LTBP3: variants seen among roughly 807,000 people sequenced by gnomAD.
LTBP3 encodes the protein latent transforming growth factor beta binding protein 3.
LTBP3 carries 97 observed loss-of-function variants against 159.7 expected under a neutral mutation model. The observed-to-expected ratio is 0.61, with a 90% confidence interval of 0.52 to 0.72. The LOEUF (loss-of-function observed/expected upper bound fraction) is 0.72, where lower values mean the gene tolerates loss of function less well. LTBP3 is among the 30% of genes least tolerant of loss of function. The probability of loss-of-function intolerance (pLI) is 0.00; values close to 1 mark genes in which losing one functional copy is unlikely to be tolerated. For missense variants in LTBP3, 1,584 were observed against 1,864.3 expected (o/e 0.85, Z 2.77); for synonymous variants, 824 against 777.1 (o/e 1.06, Z -1.00).
chr11:65,553,673 G>C lies in LTBP3; in HGVS notation c.864+28C>G. On this transcript the variant is annotated intron_variant, in intron 3 of 27. Coordinates refer to ENST00000301873, the MANE Select transcript of LTBP3 (RefSeq NM_001130144.3). This position sits in a 1 kb window ranked among gnomAD's most constrained non-coding sequence, Gnocchi z 6.5. ...GCAGAGCAACCCTGAGAGAAGGAAAGGCAGATCCCGACTGTGGATTCACTC... is the reference window on the plus strand; with the variant it reads ...GCAGAGCAACCCTGAGAGAAGGAAACGCAGATCCCGACTGTGGATTCACTC... 1 of 1,558,794 alleles carries C rather than the reference G, an allele frequency of 6.4e-7. No individual in the cohort carries two copies. Among genetic ancestry groups the C allele is most frequent in the Non-Finnish European group, 8.6e-7 (1 of 1,158,234 alleles).
At chr11:65,541,830 T>C in intron 18 of LTBP3, 102 bp from the exon 19 acceptor site, 2 of 1,370,244 alleles carry the variant, frequency 1.5e-6, no homozygotes, top group Non-Finnish European at 2.0e-6. Context: ...TCCACTTTGG[T>C]TTCAAAGTAT....
intron 1 of LTBP3, among the ~76,000 whole-genome samples, chr11:65,557,099 C>T (rs1347472060): frequency 6.6e-6 from 1 of 152,096 alleles, no homozygotes; most frequent in African/African-American, 2.4e-5. Context: ...ACTTTTAGGC[C>T]TCAACACCCT....
At chr11:65,539,270 C>G (rs1320689225) in intron 27 of LTBP3, 39 bp from the exon 28 acceptor site, 21 of 1,516,910 alleles carry the variant, frequency 1.4e-5, no homozygotes, top group Admixed American at 8.1e-5. Flanking sequence ...CGCTGAGCCT[C>G]CAGGCGGCTC....
Position 65,557,703 on chromosome 11 carries a change from T to G in LTBP3, c.257A>C (p.Gln86Pro). ...TCCGATGAGCGTCATGTTGGAGCCCTGCTGACAACTGTCCCGACACTGGCC... is the reference window on the plus strand; with the variant it reads ...TCCGATGAGCGTCATGTTGGAGCCCGGCTGACAACTGTCCCGACACTGGCC... ...LKGQCRDSCQ[Q>P]GSNMTLIGEN... is the part of the protein sequence containing the mutation. Residue 86 changes from glutamine (Q) to proline (P), a missense_variant, in exon 1 of 28, where the codon CAG becomes CCG. Gln to Pro is a moderately conservative substitution (Grantham distance 76). Transcript: ENST00000301873. The G allele has an allele frequency of 6.2e-7, 1 of 1,610,230 alleles. No homozygotes were observed. Among genetic ancestry groups the G allele is most frequent in the Non-Finnish European group, 8.5e-7 (1 of 1,179,880 alleles).
intron 10 of LTBP3, 80 bp from the exon 11 acceptor site, chr11:65,551,304 C>T: frequency 6.5e-7 from 1 of 1,540,554 alleles, no homozygotes; most frequent in Admixed American, 1.9e-5. Context: ...CCCGGCGCCC[C>T]ACCCCAGCTT....
chr11:65,545,584 G>A (rs1465152913), intron 16 of LTBP3: 1 of 230,850 alleles, frequency 4.3e-6, no homozygotes, highest in Non-Finnish European at 8.6e-6. Context: ...AAAAACCCAG[G>A]AGGTCTAATA....
Position 65,543,371 on chromosome 11 carries a change from T to C in LTBP3, c.2476+56A>G. ...TGGATTAGGACTGGACCCTGGGGGG[T>C]GGGGGTCCTGGGGTAGGGAGGGACA... On this transcript the variant is annotated intron_variant, in intron 17 of 27. Coordinates refer to ENST00000301873, the MANE Select transcript of LTBP3 (RefSeq NM_001130144.3). 5 of 1,611,726 alleles carry C rather than the reference T, an allele frequency of 3.1e-6. No homozygotes were observed. The South Asian group carries it at 5.5e-5, about 18-fold the overall frequency.
chr11:65,539,160 C>A lies in LTBP3; in HGVS notation c.3832G>T (p.Gly1278Cys). The A allele has an allele frequency of 6.6e-7, 1 of 1,503,816 alleles. No individual in the cohort carries two copies. The highest frequency in any genetic ancestry group is 8.9e-7 in the Non-Finnish European group (1 of 1,121,984). 93.2% of individuals were successfully genotyped at this position (1,503,816 alleles called of 1,614,324 possible). ...CKSERCVNTS[G>C]SFRCVCKAGF... ...GCTTTGCAGACGCAGCGGAAGGAGC[C>A]GCTGGTGTTCACGCAGCGCTCGCTC... Residue 1278 changes from glycine to cysteine, a missense_variant, in exon 28 of 28, where the codon GGC (glycine) becomes TGC (cysteine). Physicochemically the swap from Gly to Cys is radical, Grantham distance 159. Transcript: ENST00000301873.
rs200000608 is a variant in LTBP3, at chr11:65,552,843, T to C, written c.1186+17A>G. On this transcript the variant is annotated intron_variant, in intron 6 of 27. Coordinates refer to ENST00000301873, the MANE Select transcript of LTBP3 (RefSeq NM_001130144.3). The surrounding 1 kb of genome is among the most constrained non-coding windows in gnomAD (Gnocchi z 6.0). ...CATGCCTTGTGACCTCCCAGGAACC[T>C]GAGCCCCAGGTCTCACCAATGCACT... 6.2e-7 allele frequency: 1 copy of C among 1,614,128 alleles called. No individual in the cohort carries two copies. Among genetic ancestry groups the C allele is most frequent in the Non-Finnish European group, 8.5e-7 (1 of 1,179,988 alleles).
rs1856203605 is a variant in LTBP3 at position 65,542,915 on chromosome 11, A to AGGATGGATGGATAGAAGGAT, written c.2596+170_2596+189dup. The stretch of plus-strand genomic sequence containing the variant: ...GTGGGTGAGTGGAAGGATGAATGGA[A>AGGATGGATGGATAGAAGGAT]GGATGGATGGATAGAAGGATGGATG... On this transcript the variant is annotated intron_variant, in intron 18 of 27. Coordinates refer to ENST00000301873, the MANE Select transcript of LTBP3 (RefSeq NM_001130144.3). 1.5e-5 allele frequency: 12 copies of AGGATGGATGGATAGAAGGAT among 787,332 alleles called. No individual in the cohort carries two copies. In the South Asian group the frequency reaches 1.7e-4, roughly 11 times the overall value. 48.8% of individuals were successfully genotyped at this position (787,332 alleles called of 1,614,324 possible). A position where few individuals can be genotyped will look rare whatever the true frequency, so the allele number is the denominator to read the frequency against.
chr11:65,538,897 A>T lies in LTBP3; in HGVS notation c.*183T>A. On this transcript the variant is annotated 3_prime_UTR_variant, in exon 28 of 28. Transcript: ENST00000301873. ...GCAGGCAGCGCCCGCCGGAGACCTT[A>T]CAACCGCCCGCTAACCGGGGAGGGG... is the stretch of plus-strand genomic sequence containing the variant. 1 of 1,202,558 alleles carries T rather than the reference A, an allele frequency of 8.3e-7. No homozygotes were observed. Among genetic ancestry groups the T allele is most frequent in the Non-Finnish European group, 1.1e-6 (1 of 928,290 alleles). 74.5% of individuals were successfully genotyped at this position (1,202,558 alleles called of 1,614,324 possible).
rs372515652 is a variant in LTBP3 at position 65,547,861 on chromosome 11, G to A, written c.1847-40C>T. 165 of 1,613,152 alleles carry A rather than the reference G, an allele frequency of 1.0e-4. 1 individual carries two copies. In the African/African-American group the frequency reaches 1.9e-3, roughly 19 times the overall value. Reference sequence around the variant, plus strand: ...TAGGCCAAGAAAAGTCAAAGGAAGCGTCGTTATCTGGGGTCCCCCCCCACC... The same window carrying A: ...TAGGCCAAGAAAAGTCAAAGGAAGCATCGTTATCTGGGGTCCCCCCCCACC... On this transcript the variant is annotated intron_variant, in intron 12 of 27. Transcript: ENST00000301873. This position sits in a 1 kb window ranked among gnomAD's most constrained non-coding sequence, Gnocchi z 4.6.
At position 65,558,088 on chromosome 11, in the gene LTBP3, C is replaced by G. The variant is rs1389642024; in HGVS notation, c.-129G>C. The G allele has an allele frequency of 1.9e-5, 16 of 836,756 alleles. No homozygotes were observed. In the South Asian group the frequency reaches 3.9e-4, roughly 21 times the overall value. 51.8% of individuals were successfully genotyped at this position (836,756 alleles called of 1,614,324 possible). A position where few individuals can be genotyped will look rare whatever the true frequency, so the allele number is the denominator to read the frequency against. ...CAGCGAGGGAGGGCAGCGGGGGAAG[C>G]GGGCGGGAGGGGACCGCGGGGGCCC... On this transcript the variant is annotated 5_prime_UTR_variant, in exon 1 of 28. Coordinates refer to ENST00000301873, the MANE Select transcript of LTBP3 (RefSeq NM_001130144.3).
Position 65,547,505 on chromosome 11 carries a change from C to T in LTBP3, c.2041G>A (p.Gly681Ser). The T allele has an allele frequency of 6.2e-7, 1 of 1,613,882 alleles. No homozygotes were observed. Among genetic ancestry groups the T allele is most frequent in the South Asian group, 1.1e-5 (1 of 91,066 alleles). ...GDGGFCINFPGHYKCNCYPGY... is the reference protein window; with the variant it reads ...GDGGFCINFPSHYKCNCYPGY... The stretch of plus-strand genomic sequence containing the variant: ...GGGTAGCAGTTGCACTTGTAGTGAC[C>T]GGGAAAGTTGATGCAGAAGCCGCCG... Residue 681 changes from glycine (G) to serine (S), a missense_variant, in exon 14 of 28, where the codon GGT (glycine) becomes AGT (serine). By Grantham distance (56) the Gly-to-Ser change is moderately conservative. Around this residue, in one of 6 missense-constraint regions of LTBP3, gnomAD observed 565 missense variants for 677.7 expected, o/e 0.83. Transcript: ENST00000301873. This position sits in a 1 kb window ranked among gnomAD's most constrained non-coding sequence, Gnocchi z 4.6.
At position 65,558,295 on chromosome 11, in the gene LTBP3, G is replaced by T; in HGVS notation, c.-336C>A. On this transcript the variant is annotated 5_prime_UTR_variant, in exon 1 of 28. Coordinates refer to ENST00000301873, the MANE Select transcript of LTBP3 (RefSeq NM_001130144.3). ...GCCGGCCCGCTCCGCGCCTCCCCCT[G>T]GCCGGGCTCCTCTCCCGCGGCCGCG... is the stretch of plus-strand genomic sequence containing the variant. The T allele has an allele frequency of 1.2e-6, 1 of 822,158 alleles. No homozygotes were observed. The highest frequency in any genetic ancestry group is 5.7e-5 in the South Asian group (1 of 17,692). 50.9% of individuals were successfully genotyped at this position (822,158 alleles called of 1,614,324 possible). A position where few individuals can be genotyped will look rare whatever the true frequency, so the allele number is the denominator to read the frequency against.
Position 65,540,384 on chromosome 11 carries a change from T to TGCAGGGAGGAAAAGCGTGGGTA in LTBP3, c.3107-24_3107-3dup. 3 of 1,601,546 alleles carry TGCAGGGAGGAAAAGCGTGGGTA rather than the reference T, an allele frequency of 1.9e-6. No homozygotes were observed. The highest frequency in any genetic ancestry group is 2.6e-6 in the Non-Finnish European group (3 of 1,174,990). On this transcript the variant is annotated splice_region_variant and splice_polypyrimidine_tract_variant and intron_variant, in intron 22 of 27. Transcript: ENST00000301873. The stretch of plus-strand genomic sequence containing the variant: ...ACTCGTCCAGGCACTCGTCCACGTC[T>TGCAGGGAGGAAAAGCGTGGGTA]GCAGGGAGGAAAAGCGTGGGTAGCA...
At position 65,553,004 on chromosome 11, in the gene LTBP3, C is replaced by G; in HGVS notation, c.1064-22G>C. 6.2e-7 allele frequency: 1 copy of G among 1,614,124 alleles called. No homozygotes were observed. The highest frequency in any genetic ancestry group is 8.5e-7 in the Non-Finnish European group (1 of 1,180,012). On this transcript the variant is annotated intron_variant, in intron 5 of 27. Coordinates refer to ENST00000301873, the MANE Select transcript of LTBP3 (RefSeq NM_001130144.3). This position sits in a 1 kb window ranked among gnomAD's most constrained non-coding sequence, Gnocchi z 6.5. The stretch of plus-strand genomic sequence containing the variant: ...ATGTCTGTGGTAAGTGGAAGTTTGG[C>G]CCCTCTGGTCTGGGGCCATGGGGTG...
chr11:65,546,296 A>G lies in LTBP3; in HGVS notation c.2353+146T>C. The G allele has an allele frequency of 9.1e-7, 1 of 1,096,712 alleles. No individual in the cohort carries two copies. 67.9% of individuals were successfully genotyped at this position (1,096,712 alleles called of 1,614,324 possible). A position where few individuals can be genotyped will look rare whatever the true frequency, so the allele number is the denominator to read the frequency against. On this transcript the variant is annotated intron_variant, in intron 16 of 27. Coordinates refer to ENST00000301873, the MANE Select transcript of LTBP3 (RefSeq NM_001130144.3). The surrounding 1 kb of genome is among the most constrained non-coding windows in gnomAD (Gnocchi z 4.0). Reference sequence around the variant, plus strand: ...AAATTCTAGTGGTGCCTTCCTTGGCAAAGTTCGTTGAGAAAATGAGTGAGC... The same window carrying G: ...AAATTCTAGTGGTGCCTTCCTTGGCGAAGTTCGTTGAGAAAATGAGTGAGC...
intron 21 of LTBP3, 69 bp downstream of exon 21, chr11:65,540,802 C>A (rs551989226): frequency 6.5e-7 from 1 of 1,538,246 alleles, no homozygotes; most frequent in Non-Finnish European, 8.8e-7. Flanking sequence ...CAGCGAGTCC[C>A]GGCGGGATCC....
Sources: allele counts gnomAD v4.1 joint callset (sites outside exome capture counted in the v4.1 genomes callset), GRCh38; gene constraint gnomAD v4.1.1; regional missense constraint gnomAD v4.1.1; non-coding constraint Gnocchi (gnomAD v3.1); transcripts MANE v1.5; gene names NCBI Gene and HGNC (gene_info 2026-07-23, HGNC 2026-07-21).